The following PCNX1 variants were observed in gnomAD, a reference collection of about 807,000 sequenced individuals.
PCNX1 encodes pecanex-like protein 1.
PCNX1 carries 78 observed loss-of-function variants against 242.2 expected under a neutral mutation model. The ratio of observed to expected loss-of-function variants is 0.32; its 90% confidence interval spans 0.27 to 0.39. The LOEUF is 0.39. Among genes scored for constraint, PCNX1 ranks in the 10% least tolerant of loss-of-function variants. The pLI, the probability that PCNX1 is intolerant of heterozygous loss-of-function variation, is 1.00. For missense variants in PCNX1, 2,581 were observed against 2,856.5 expected (o/e 0.90, Z 2.20); for synonymous variants, 1,024 against 1,032.9 (o/e 0.99, Z 0.17).
intron 8 of PCNX1, among the ~76,000 whole-genome samples, chr14:71,007,297 A>G (rs530614976): frequency 8.5e-4 from 130 of 152,198 alleles, no homozygotes; most frequent in African/African-American, 2.9e-3. Flanking sequence ...TAGTATAATG[A>G]CATCATATTC....
At chr14:70,949,196 AGTG>A (rs2057631161) in intron 2 of PCNX1, among the ~76,000 whole-genome samples, 3 of 143,126 alleles carry the variant, frequency 2.1e-5, no homozygotes, top group Admixed American at 6.9e-5. Flanking sequence ...ATTTACTCAT[AGTG>A]TGTATATACA....
At chr14:70,908,329 G>A (rs2063992030) in intron 1 of PCNX1, among the ~76,000 whole-genome samples, 1 of 152,158 alleles carries the variant, frequency 6.6e-6, no homozygotes, top group African/African-American at 2.4e-5. Flanking sequence ...CCCCCCGCCC[G>A]TGGGGCTGTG....
intron 26 of PCNX1, among the ~76,000 whole-genome samples, chr14:71,072,597 T>C (rs1233866589): frequency 6.6e-6 from 1 of 152,160 alleles, no homozygotes; most frequent in East Asian, 1.9e-4. Flanking sequence ...AAAGCAGTGG[T>C]TTTCAGACAT....
At chr14:71,070,612 A>G (rs1343101754) in intron 26 of PCNX1, among the ~76,000 whole-genome samples, 1 of 152,186 alleles carries the variant, frequency 6.6e-6, no homozygotes, top group Non-Finnish European at 1.5e-5. Flanking sequence ...TTGGAAAGGA[A>G]TCCTTTTTTT....
At position 71,115,161 on chromosome 14, in the gene PCNX1, G is replaced by C. The variant is rs943326673; in HGVS notation, c.*5226G>C. 2 of 152,496 alleles carry C rather than the reference G, an allele frequency of 1.3e-5. No individual in the cohort carries two copies. The highest frequency in any genetic ancestry group is 4.8e-5 in the African/African-American group (2 of 41,416). The allele number at this position is 152,496 out of a possible 1,614,324, so 9.4% of individuals were successfully genotyped here. A position where few individuals can be genotyped will look rare whatever the true frequency, so the allele number is the denominator to read the frequency against. On this transcript the variant is annotated 3_prime_UTR_variant, in exon 36 of 36. Coordinates refer to ENST00000304743, the MANE Select transcript of PCNX1 (RefSeq NM_014982.3). Reference sequence around the variant, plus strand: ...ATCATGGGCTCTGGAAAGTATTCATGGCCTTTACCAGCATTCAGTATAAAC... The same window carrying C: ...ATCATGGGCTCTGGAAAGTATTCATCGCCTTTACCAGCATTCAGTATAAAC...
intron 8 of PCNX1, among the ~76,000 whole-genome samples, chr14:71,004,449 G>T (rs1376547189): frequency 3.3e-5 from 5 of 152,210 alleles, no homozygotes; most frequent in Non-Finnish European, 5.9e-5. Flanking sequence ...ATAGGAGCAT[G>T]AACCCTATTG....
At chr14:71,007,398 C>T (rs1157029431) in intron 8 of PCNX1, among the ~76,000 whole-genome samples, 2 of 151,938 alleles carry the variant, frequency 1.3e-5, no homozygotes, top group African/African-American at 4.8e-5. Context: ...AAGAACAGAA[C>T]TTATATATTA....
At chr14:70,964,983 T>C (rs1367369903) in intron 3 of PCNX1, among the ~76,000 whole-genome samples, 1 of 152,242 alleles carries the variant, frequency 6.6e-6, no homozygotes, top group African/African-American at 2.4e-5. Context: ...ATTACCATTA[T>C]AGACATACTG....
At chr14:70,925,756 T>C (rs1193540279) in intron 1 of PCNX1, among the ~76,000 whole-genome samples, 1 of 152,166 alleles carries the variant, frequency 6.6e-6, no homozygotes, top group Non-Finnish European at 1.5e-5. Context: ...CATTTAATCC[T>C]CATCATAGCT....
At chr14:70,997,445 TAAGC>T (rs960820111) in intron 8 of PCNX1, among the ~76,000 whole-genome samples, 1 of 152,170 alleles carries the variant, frequency 6.6e-6, no homozygotes, top group Non-Finnish European at 1.5e-5. Context: ...AAAAATTTGT[TAAGC>T]AAGCTTTAAT....
chr14:71,026,577 G>C (rs774452322), intron 14 of PCNX1, among the ~76,000 whole-genome samples, 195 bp from the exon 15 acceptor site: 18 of 152,014 alleles, frequency 1.2e-4, no homozygotes, highest in Non-Finnish European at 2.2e-4. Flanking sequence ...ACTTTAAAAA[G>C]TATTGTTTAT....
chr14:70,968,765 T>C (rs530380623), intron 4 of PCNX1, among the ~76,000 whole-genome samples: 1 of 152,230 alleles, frequency 6.6e-6, no homozygotes, highest in Non-Finnish European at 1.5e-5. Flanking sequence ...TTTAAAGAAA[T>C]AGTTTTATTA....
In PCNX1 at chr14:71,046,495, A is replaced by T. The variant is rs190844470; in HGVS notation, c.4019-469A>T. On this transcript the variant is annotated intron_variant, in intron 20 of 35. Coordinates refer to ENST00000304743, the MANE Select transcript of PCNX1 (RefSeq NM_014982.3). ...TAAAGCCAGGTGATGCTATTTTCAGATAGCCAAAGAACCATGTTTTAAATC... is the reference window on the plus strand; with the variant it reads ...TAAAGCCAGGTGATGCTATTTTCAGTTAGCCAAAGAACCATGTTTTAAATC... Among the ~76,000 whole-genome samples the T allele has an allele frequency of 4.1e-4, 63 of 152,194 alleles. No homozygotes were observed. The East Asian group carries it at 0.01, about 24-fold the overall frequency.
intron 1 of PCNX1, among the ~76,000 whole-genome samples, chr14:70,928,604 A>C (rs1375544761): frequency 3.9e-5 from 6 of 152,216 alleles, no homozygotes; most frequent in Non-Finnish European, 8.8e-5. Context: ...AGTGTAGGGC[A>C]CCTTTTCCTT....
chr14:71,023,115 A>G, intron 12 of PCNX1, 85 bp from the exon 13 acceptor site: 3 of 972,276 alleles, frequency 3.1e-6, no homozygotes, highest in South Asian at 1.3e-5. Context: ...TTTACTTAAA[A>G]TCATTCATTT....
chr14:70,953,551 T>TC (rs1237791788), intron 2 of PCNX1, among the ~76,000 whole-genome samples: 1 of 151,894 alleles, frequency 6.6e-6, no homozygotes, highest in African/African-American at 2.4e-5. Flanking sequence ...TTGTGGCTTG[T>TC]CATTTTGCTT....
chr14:70,982,143 G>A (rs1197360028), intron 6 of PCNX1, among the ~76,000 whole-genome samples: 1 of 152,128 alleles, frequency 6.6e-6, no homozygotes, highest in Non-Finnish European at 1.5e-5. Flanking sequence ...GTGTTATTTT[G>A]TACCCAGATA....
intron 35 of PCNX1, 65 bp from the exon 36 acceptor site, chr14:71,109,714 CTAATCCTAGGTAGGGG>C: frequency 6.4e-7 from 1 of 1,566,546 alleles, no homozygotes; most frequent in South Asian, 1.1e-5. Flanking sequence ...ATTGCTACTA[CTAATCCTAGGTAGGGG>C]TAAGAGTTTG....
intron 6 of PCNX1, among the ~76,000 whole-genome samples, chr14:70,982,651 T>C (rs1178254599): frequency 1.3e-5 from 2 of 152,224 alleles, no homozygotes; most frequent in Non-Finnish European, 2.9e-5. Context: ...GGCAAAATTA[T>C]CTTCCTTTAC....
Sources: allele counts gnomAD v4.1 joint callset (sites outside exome capture counted in the v4.1 genomes callset), GRCh38; gene constraint gnomAD v4.1.1; transcripts MANE v1.5; gene names NCBI Gene and HGNC (gene_info 2026-07-23, HGNC 2026-07-21).